Variants in LRMDA observed in about 807,000 individuals in gnomAD.
The protein encoded by LRMDA is leucine rich melanocyte differentiation associated, also known as leucine-rich melanocyte differentiation-associated protein.
A neutral mutation model predicts 29.8 loss-of-function variants in LRMDA; 18 were observed. The ratio of observed to expected loss-of-function variants is 0.60; its 90% confidence interval spans 0.42 to 0.90. LRMDA has a LOEUF of 0.90. Among genes scored for constraint, LRMDA ranks in the 40% least tolerant of loss-of-function variants. LRMDA has a pLI of 0.00. For synonymous variants in LRMDA, 125 were observed against 109.4 expected, an observed-to-expected ratio of 1.14 and a Z score of -0.89; for missense variants, 273 against 273.9, an observed-to-expected ratio of 1.00 and a Z score of 0.02.
chr10:75,710,329 C>A (rs941052432), intron 2 of LRMDA, among the ~76,000 whole-genome samples: 2 of 152,130 alleles, frequency 1.3e-5, no homozygotes, highest in African/African-American at 4.8e-5. Context: ...TTTCTGTAGA[C>A]TGTTATTTAT....
At chr10:76,486,530 GT>G (rs1222969274) in intron 6 of LRMDA, among the ~76,000 whole-genome samples, 2 of 151,806 alleles carry the variant, frequency 1.3e-5, no homozygotes, top group African/African-American at 4.8e-5. Flanking sequence ...TGTCTCTTAG[GT>G]TTTTCCTACA....
At chr10:76,308,243 A>G (rs1394784611) in intron 5 of LRMDA, among the ~76,000 whole-genome samples, 4 of 152,170 alleles carry the variant, frequency 2.6e-5, no homozygotes, top group Non-Finnish European at 5.9e-5. Context: ...CTCTTTAAAT[A>G]CTGTCTTTAT....
intron 2 of LRMDA, among the ~76,000 whole-genome samples, chr10:75,717,473 G>A (rs1240245444): frequency 3.3e-5 from 5 of 152,238 alleles, no homozygotes; most frequent in South Asian, 4.1e-4. Context: ...TTATTGCCAC[G>A]CTGCAGAGGC....
At chr10:76,315,195 G>C (rs1003322305) in intron 5 of LRMDA, among the ~76,000 whole-genome samples, 2 of 152,226 alleles carry the variant, frequency 1.3e-5, no homozygotes, top group African/African-American at 4.8e-5. Flanking sequence ...AATGGTACTT[G>C]TGATGGCAGC....
intron 5 of LRMDA, among the ~76,000 whole-genome samples, chr10:76,251,983 C>T (rs531427671): frequency 6.6e-6 from 1 of 152,328 alleles, no homozygotes; most frequent in Non-Finnish European, 1.5e-5. Context: ...TCTGTTTTGA[C>T]TTAAAGTCTA....
At chr10:75,906,839 A>G (rs1845766948) in intron 2 of LRMDA, among the ~76,000 whole-genome samples, 1 of 151,852 alleles carries the variant, frequency 6.6e-6, no homozygotes, top group Non-Finnish European at 1.5e-5. Context: ...CTAGCAAAGG[A>G]GGCCCTGTCC....
rs577921815 is a variant in LRMDA, at chr10:76,183,232, T to G, written c.516+124449T>G. Among the ~76,000 whole-genome samples the G allele has an allele frequency of 6.6e-5, 10 of 152,356 alleles. No homozygotes were observed. The South Asian group carries it at 2.1e-3, about 32-fold the overall frequency. ...TTTAAAACTACAGAAATTGTTATTG[T>G]TACAGCAGTTTGTTCCCAAGGAACA... On this transcript the variant is annotated intron_variant, in intron 5 of 6. Coordinates refer to ENST00000611255, the MANE Select transcript of LRMDA (RefSeq NM_001305581.2).
rs1015881225 is a variant in LRMDA, at chr10:76,457,425, G to A, written c.602-99784G>A. ...GTTTCCAGCTGAGGTTGAACAAGGT[G>A]ACACTGCTTTTTCGTTGCAGCTCTC... On this transcript the variant is annotated intron_variant, in intron 6 of 6. Transcript: ENST00000611255. 3.3e-5 allele frequency among the ~76,000 whole-genome samples: 5 copies of A among 152,282 alleles called. No homozygotes were observed. In the South Asian group the frequency reaches 6.2e-4, roughly 19 times the overall value.
intron 2 of LRMDA, among the ~76,000 whole-genome samples, chr10:75,489,519 G>A (rs1489682187): frequency 6.6e-6 from 1 of 152,242 alleles, no homozygotes; most frequent in Non-Finnish European, 1.5e-5. Context: ...GTGAGAGGAA[G>A]TTGGGCCCTG....
chr10:76,308,226 C>T (rs1840583143), intron 5 of LRMDA, among the ~76,000 whole-genome samples: 1 of 152,176 alleles, frequency 6.6e-6, no homozygotes, highest in Non-Finnish European at 1.5e-5. Context: ...ATGGTCCCTT[C>T]AACCTTCTCT....
At chr10:75,773,747 T>C (rs1416310307) in intron 2 of LRMDA, among the ~76,000 whole-genome samples, 3 of 152,196 alleles carry the variant, frequency 2.0e-5, no homozygotes, top group Non-Finnish European at 2.9e-5. Flanking sequence ...TCTTTCTGAA[T>C]ATGAGTCAGT....
In LRMDA at chr10:75,502,566, T is replaced by C. The variant is rs141342566; in HGVS notation, c.131+64072T>C. Among the ~76,000 whole-genome samples, 10 of 152,242 alleles carry C rather than the reference T, an allele frequency of 6.6e-5. No individual in the cohort carries two copies. The East Asian group carries it at 1.7e-3, about 27-fold the overall frequency. On this transcript the variant is annotated intron_variant, in intron 2 of 6. Coordinates refer to ENST00000611255, the MANE Select transcript of LRMDA (RefSeq NM_001305581.2). ...GGAAGAATCTGGTACAATAAATGTC[T>C]TCGGGAATGACTCGTGTCAGGTTCA...
At chr10:75,568,442 G>T (rs192175502) in intron 2 of LRMDA, among the ~76,000 whole-genome samples, 4 of 152,256 alleles carry the variant, frequency 2.6e-5, no homozygotes, top group Admixed American at 6.5e-5. Flanking sequence ...GGCTGTGTTC[G>T]TAAAATTAAA....
At chr10:75,618,548 TG>T (rs1416643264) in intron 2 of LRMDA, among the ~76,000 whole-genome samples, 2 of 147,960 alleles carry the variant, frequency 1.4e-5, no homozygotes, top group Non-Finnish European at 3.0e-5. Flanking sequence ...TTGAACAATG[TG>T]GGGGTCAGGG....
chr10:76,155,655 T>C (rs901922855), intron 5 of LRMDA, among the ~76,000 whole-genome samples: 2 of 152,168 alleles, frequency 1.3e-5, no homozygotes, highest in African/African-American at 4.8e-5. Flanking sequence ...AACATCCATC[T>C]AGTAACTAGC....
intron 2 of LRMDA, among the ~76,000 whole-genome samples, chr10:75,766,791 C>T (rs1263910320): frequency 1.3e-5 from 2 of 152,036 alleles, no homozygotes; most frequent in Non-Finnish European, 2.9e-5. Flanking sequence ...CCCTCCCTCC[C>T]CTTTCCCCCA....
intron 5 of LRMDA, among the ~76,000 whole-genome samples, chr10:76,063,261 G>A (rs1156476582): frequency 6.6e-6 from 1 of 152,200 alleles, no homozygotes; most frequent in African/African-American, 2.4e-5. Context: ...AAATATGTCT[G>A]TGAGTAGTGA....
At chr10:76,137,782 AAAAAC>A (rs1850123728) in intron 5 of LRMDA, among the ~76,000 whole-genome samples, 2 of 149,894 alleles carry the variant, frequency 1.3e-5, no homozygotes. Context: ...CAAAAAAAAA[AAAAAC>A]AAACAAAAAA....
chr10:76,024,567 A>G (rs1297566825), intron 2 of LRMDA, among the ~76,000 whole-genome samples: 1 of 152,206 alleles, frequency 6.6e-6, no homozygotes, highest in Non-Finnish European at 1.5e-5. Flanking sequence ...ACGTGTTTTC[A>G]CCTTTTTCAG....
Sources: allele counts gnomAD v4.1 joint callset (sites outside exome capture counted in the v4.1 genomes callset), GRCh38; gene constraint gnomAD v4.1.1; transcripts MANE v1.5; gene names NCBI Gene and HGNC (gene_info 2026-07-23, HGNC 2026-07-21).